The following HELZ variants were observed in gnomAD, a reference collection of about 807,000 sequenced individuals.
HELZ encodes helicase with zinc finger.
Under a neutral mutation model 218.2 loss-of-function variants are expected in HELZ, and 23 were observed. The ratio of observed to expected loss-of-function variants is 0.11; its 90% CI spans 0.08 to 0.15. HELZ has a LOEUF of 0.15. HELZ is among the 10% of genes least tolerant of loss of function. The probability of loss-of-function intolerance (pLI) is 1.00; values close to 1 mark genes in which losing one functional copy is unlikely to be tolerated. For synonymous variants in HELZ, 814 were observed against 829.4 expected (o/e 0.98, Z 0.32); for missense variants, 1,813 against 2,353.7 (o/e 0.77, Z 4.75).
At chr17:67,234,580 C>T (rs1352564884) in intron 3 of HELZ, among the ~76,000 whole-genome samples, 1 of 151,902 alleles carries the variant, frequency 6.6e-6, no homozygotes, top group African/African-American at 2.4e-5. Context: ...CGTGGTGGCT[C>T]AGGCCTGTAA....
At chr17:67,171,837 GT>G (rs60962244) in intron 13 of HELZ, among the ~76,000 whole-genome samples, 12,810 of 144,186 alleles carry the variant, frequency 0.089, 1,405 homozygotes, top group African/African-American at 0.26. Context: ...GTTTTGTTTT[GT>G]TTTTTTTTTT....
intron 5 of HELZ, among the ~76,000 whole-genome samples, chr17:67,213,292 T>C (rs1397244518): frequency 1.3e-5 from 2 of 152,156 alleles, no homozygotes; most frequent in African/African-American, 4.8e-5. Flanking sequence ...CGTATATTGC[T>C]GTGGGTGTGT....
intron 31 of HELZ, among the ~76,000 whole-genome samples, chr17:67,103,039 A>G (rs974695184): frequency 6.6e-6 from 1 of 152,338 alleles, no homozygotes; most frequent in African/African-American, 2.4e-5. Context: ...AACTTCATAA[A>G]ACCTATAAAA....
At position 67,108,827 on chromosome 17, in the gene HELZ, T is replaced by A; in HGVS notation, c.4490-101A>T. 1 of 954,872 alleles carries A rather than the reference T, an allele frequency of 1.0e-6. No homozygotes were observed. Among genetic ancestry groups the A allele is most frequent in the Non-Finnish European group, 1.5e-6 (1 of 655,912 alleles). The allele number at this position is 954,872 out of a possible 1,614,324, so 59.1% of individuals were successfully genotyped here. On this transcript the variant is annotated intron_variant, in intron 29 of 32. Transcript: ENST00000358691. The surrounding 1 kb of genome is among the most constrained non-coding windows in gnomAD (Gnocchi z 4.1). Reference sequence around the variant, plus strand: ...ATTTTCTCCACAAAGACAAAGGACGTAGCTACAAATTTGGTTTTGGTAAGA... The same window carrying A: ...ATTTTCTCCACAAAGACAAAGGACGAAGCTACAAATTTGGTTTTGGTAAGA...
At chr17:67,090,061 T>C (rs2036533900) in intron 31 of HELZ, among the ~76,000 whole-genome samples, 1 of 152,098 alleles carries the variant, frequency 6.6e-6, no homozygotes, top group Non-Finnish European at 1.5e-5. Context: ...TAGATGCCCT[T>C]TAACAGGGTG....
rs1460684004 is a variant in HELZ at position 67,188,758 on chromosome 17, C to T, written c.865-142G>A. ...TACTATAGCCATTTAAGAAAAAAAT[C>T]AGAATGGTTTTTTAAAATCAGTTGT... is the stretch of plus-strand genomic sequence containing the variant. On this transcript the variant is annotated intron_variant, in intron 11 of 32. Coordinates refer to ENST00000358691, the MANE Select transcript of HELZ (RefSeq NM_014877.4). This position sits in a 1 kb window ranked among gnomAD's most constrained non-coding sequence, Gnocchi z 4.1. 1 of 637,316 alleles carries T rather than the reference C, an allele frequency of 1.6e-6. No individual in the cohort carries two copies. Among genetic ancestry groups the T allele is most frequent in the Non-Finnish European group, 2.6e-6 (1 of 380,404 alleles). 39.5% of individuals were successfully genotyped at this position (637,316 alleles called of 1,614,324 possible). A position where few individuals can be genotyped will look rare whatever the true frequency, so the allele number is the denominator to read the frequency against.
intron 18 of HELZ, 116 bp from the exon 19 acceptor site, chr17:67,150,101 T>C (rs374950381): frequency 5.0e-5 from 32 of 641,936 alleles, no homozygotes; most frequent in East Asian, 2.2e-4. Flanking sequence ...TCTAAGAGTA[T>C]TGAGTACTTT....
chr17:67,177,453 T>C (rs973881099), intron 13 of HELZ, among the ~76,000 whole-genome samples: 3 of 152,030 alleles, frequency 2.0e-5, no homozygotes, highest in Admixed American at 6.5e-5. Flanking sequence ...ATATATAATT[T>C]TTTCTGAATT....
chr17:67,104,583 A>G, intron 31 of HELZ, among the ~76,000 whole-genome samples: 1 of 152,174 alleles, frequency 6.6e-6, no homozygotes, highest in East Asian at 1.9e-4. Context: ...GCATCAAAGG[A>G]CACTATCAAG....
intron 13 of HELZ, among the ~76,000 whole-genome samples, chr17:67,175,204 C>G (rs1416489321): frequency 6.6e-6 from 1 of 152,028 alleles, no homozygotes; most frequent in Non-Finnish European, 1.5e-5. Context: ...TCCGTATAGC[C>G]CTTAACTGAC....
At chr17:67,194,982 T>C (rs1427899934) in intron 8 of HELZ, among the ~76,000 whole-genome samples, 4 of 152,200 alleles carry the variant, frequency 2.6e-5, no homozygotes, top group Non-Finnish European at 5.9e-5. Flanking sequence ...AGGCACTCAA[T>C]GAATGTTCTT....
At chr17:67,120,734 T>C (rs1383823679) in intron 26 of HELZ, 122 bp from the exon 27 acceptor site, 3 of 657,962 alleles carry the variant, frequency 4.6e-6, no homozygotes, top group Admixed American at 2.6e-5. Flanking sequence ...CACACAGATG[T>C]TAATTTTCTC....
At chr17:67,189,465 C>A in intron 11 of HELZ, 124 bp downstream of exon 11, 2 of 616,066 alleles carry the variant, frequency 3.2e-6, no homozygotes, top group East Asian at 2.7e-5. Flanking sequence ...CAATATAGAA[C>A]CTATATATAA....
At chr17:67,182,756 A>T (rs1423308406) in intron 12 of HELZ, among the ~76,000 whole-genome samples, 1 of 152,216 alleles carries the variant, frequency 6.6e-6, no homozygotes, top group Middle Eastern at 3.2e-3. Flanking sequence ...ACTCTAACAC[A>T]AGATACATTT....
chr17:67,181,978 T>C (rs572862535), intron 12 of HELZ, among the ~76,000 whole-genome samples: 38 of 142,376 alleles, frequency 2.7e-4, no homozygotes, highest in African/African-American at 9.2e-4. Flanking sequence ...CAGAAGGATG[T>C]GGGTCCCTTA....
chr17:67,149,893 T>G lies in HELZ; in HGVS notation c.2449A>C (p.Ile817Leu). ...PLALATQNTR[I>L]VLAGDHMQLS... Reference sequence around the variant, plus strand: ...TGCATGTGATCACCAGCCAAGACAATCCGAGTGTTTTGAGTTGCTAATGCT... The same window carrying G: ...TGCATGTGATCACCAGCCAAGACAAGCCGAGTGTTTTGAGTTGCTAATGCT... Residue 817 changes from isoleucine (I) to leucine (L), a missense_variant, in exon 19 of 33, where the codon ATT (isoleucine) becomes CTT (leucine). By Grantham distance (5) the Ile-to-Leu change is conservative. This residue lies in a region of HELZ where 714 missense variants were observed against 1,029.2 expected (regional missense o/e 0.69). Transcript: ENST00000358691. 2 of 1,609,646 alleles carry G rather than the reference T, an allele frequency of 1.2e-6. No individual in the cohort carries two copies. The highest frequency in any genetic ancestry group is 1.7e-6 in the Non-Finnish European group (2 of 1,177,574).
chr17:67,177,470 A>G (rs909583211), intron 13 of HELZ, among the ~76,000 whole-genome samples: 1 of 152,066 alleles, frequency 6.6e-6, no homozygotes, highest in Non-Finnish European at 1.5e-5. Flanking sequence ...AATTCCTACT[A>G]TGATACTCAA....
rs767582149 is a variant in HELZ at position 67,203,379 on chromosome 17, C to T, written c.312G>A (p.Leu104=). 4 of 1,614,168 alleles carry T rather than the reference C, an allele frequency of 2.5e-6. No homozygotes were observed. In the Admixed American group the frequency reaches 6.7e-5, roughly 27 times the overall value. The part of the protein sequence containing the change: ...AFRAVLCCMQ[L]KGKLQPVSTI... ...TGGATACAGGTTGGAGCTTCCCTTT[C>T]AGCTGCATGCAGCAAAGCACTGCCC... The change falls in exon 6 of 33, where the codon CTG becomes CTA. Residue 104 remains leucine (L), a synonymous_variant. Coordinates refer to ENST00000358691, the MANE Select transcript of HELZ (RefSeq NM_014877.4).
At chr17:67,225,044 G>GGA (rs2040853347) in intron 3 of HELZ, 1 of 630,284 alleles carries the variant, frequency 1.6e-6, no homozygotes, top group Non-Finnish European at 2.9e-6. Flanking sequence ...AGTTCTATGT[G>GGA]TCATCTTTTA....
Sources: gnomAD v4.1 joint callset for allele counts (sites outside exome capture counted in the v4.1 genomes callset) on GRCh38, gnomAD v4.1.1 for gene constraint, gnomAD v4.1.1 regional missense constraint, Gnocchi (gnomAD v3.1) non-coding constraint, MANE v1.5 for transcripts, NCBI Gene and HGNC (gene_info 2026-07-23, HGNC 2026-07-21) for gene names.